Variants in IL1R1 observed in about 807,000 individuals in gnomAD.
The protein encoded by IL1R1 is interleukin-1 receptor type 1.
Under a neutral mutation model 50.2 loss-of-function variants are expected in IL1R1, and 22 were observed. The observed-to-expected ratio is 0.44, with a 90% confidence interval of 0.31 to 0.63. The LOEUF is 0.63. Ranked by LOEUF, IL1R1 falls within the 20% of genes least tolerant of loss-of-function variation. The pLI is 0.07. For synonymous variants in IL1R1, 251 were observed against 236.7 expected (o/e 1.06, Z -0.55); for missense variants, 509 against 676.2 (o/e 0.75, Z 2.74).
chr2:102,097,071 T>C (rs1403357734), intron 1 of IL1R1, among the ~76,000 whole-genome samples: 1 of 152,220 alleles, frequency 6.6e-6, no homozygotes, highest in Non-Finnish European at 1.5e-5. Context: ...CTCAGTGACT[T>C]AGCACAACAA....
chr2:102,146,344 A>G (rs993769783), intron 1 of IL1R1, among the ~76,000 whole-genome samples: 2 of 152,214 alleles, frequency 1.3e-5, no homozygotes, highest in Non-Finnish European at 2.9e-5. Context: ...GAAACGATAT[A>G]ATAAAACTTA....
At chr2:102,134,354 C>T (rs899814686) in intron 1 of IL1R1, among the ~76,000 whole-genome samples, 7 of 151,868 alleles carry the variant, frequency 4.6e-5, no homozygotes, top group African/African-American at 1.7e-4. Flanking sequence ...CTTCAGATAC[C>T]TGCATCACTA....
intron 1 of IL1R1, among the ~76,000 whole-genome samples, chr2:102,120,846 G>A (rs1374849001): frequency 2.0e-5 from 3 of 152,188 alleles, no homozygotes; most frequent in Non-Finnish European, 1.5e-5. Flanking sequence ...AGTACATGGT[G>A]TGCGCACAAT....
At chr2:102,151,623 A>G (rs2104492993) in intron 1 of IL1R1, among the ~76,000 whole-genome samples, 1 of 152,316 alleles carries the variant, frequency 6.6e-6, no homozygotes, top group South Asian at 2.1e-4. Context: ...ACCCAATGTT[A>G]CCAGAGCCAG....
chr2:102,094,020 A>C (rs2104319306), intron 1 of IL1R1, among the ~76,000 whole-genome samples: 1 of 152,342 alleles, frequency 6.6e-6, no homozygotes, highest in African/African-American at 2.4e-5. Flanking sequence ...AAAACAAAAC[A>C]AAACCAACCA....
chr2:102,072,222 T>C (rs952475793), intron 1 of IL1R1, among the ~76,000 whole-genome samples: 1 of 149,792 alleles, frequency 6.7e-6, no homozygotes, highest in Non-Finnish European at 1.5e-5. Context: ...ATTGTGCCAT[T>C]GCACTCCAGC....
intron 1 of IL1R1, among the ~76,000 whole-genome samples, chr2:102,151,025 C>T (rs1031747477): frequency 6.6e-6 from 1 of 152,156 alleles, no homozygotes; most frequent in Non-Finnish European, 1.5e-5. Flanking sequence ...CTGGTATTTT[C>T]TAAAGGTACG....
At chr2:102,105,042 A>ATGGCTC (rs1370072961) in intron 1 of IL1R1, among the ~76,000 whole-genome samples, 1 of 152,184 alleles carries the variant, frequency 6.6e-6, no homozygotes, top group Non-Finnish European at 1.5e-5. Context: ...TTGAAGTTAT[A>ATGGCTC]TGGCTCTGTA....
At chr2:102,075,127 A>G (rs772122914) in intron 1 of IL1R1, among the ~76,000 whole-genome samples, 14 of 152,216 alleles carry the variant, frequency 9.2e-5, no homozygotes, top group Non-Finnish European at 1.6e-4. Flanking sequence ...GTTATGTGAC[A>G]TCCATGGGAT....
intron 1 of IL1R1, among the ~76,000 whole-genome samples, chr2:102,081,328 T>G (rs1679197543): frequency 6.6e-6 from 1 of 152,170 alleles, no homozygotes; most frequent in Non-Finnish European, 1.5e-5. Flanking sequence ...TACAACCAGC[T>G]AAGGGAGCCT....
intron 1 of IL1R1, among the ~76,000 whole-genome samples, chr2:102,151,810 A>G (rs1160375258): frequency 6.6e-6 from 1 of 152,196 alleles, no homozygotes; most frequent in Non-Finnish European, 1.5e-5. Flanking sequence ...CTAGGATTGG[A>G]AGAATTGACT....
intron 1 of IL1R1, among the ~76,000 whole-genome samples, chr2:102,149,039 C>T (rs950297328): frequency 3.3e-5 from 5 of 152,136 alleles, no homozygotes; most frequent in Non-Finnish European, 2.9e-5. Context: ...ACACATTCCC[C>T]GTACATGTTT....
chr2:102,085,152 A>T (rs566578936), intron 1 of IL1R1, among the ~76,000 whole-genome samples: 100 of 152,334 alleles, frequency 6.6e-4, no homozygotes, highest in African/African-American at 2.2e-3. Context: ...AGCAGTATCT[A>T]TTCCAAATAC....
upstream of IL1R1, among the ~76,000 whole-genome samples, chr2:102,099,629 G>T (rs181102841): frequency 9.7e-4 from 148 of 152,236 alleles, 1 homozygote; most frequent in Non-Finnish European, 4.3e-4. Context: ...CATGACAAGA[G>T]CGTGTCTGAG....
chr2:102,118,974 C>T (rs1025045355), intron 1 of IL1R1, among the ~76,000 whole-genome samples: 6 of 145,064 alleles, frequency 4.1e-5, no homozygotes, highest in East Asian at 2.1e-4. Flanking sequence ...GCCGAGATCG[C>T]TCCACTGCTC....
chr2:102,148,713 T>TTG (rs1231276114), intron 1 of IL1R1, among the ~76,000 whole-genome samples: 1 of 152,248 alleles, frequency 6.6e-6, no homozygotes, highest in Non-Finnish European at 1.5e-5. Context: ...AAGCCAGGGC[T>TTG]TGTGTGAGTA....
chr2:102,109,968 A>C (rs965461475), intron 1 of IL1R1, among the ~76,000 whole-genome samples: 2 of 152,166 alleles, frequency 1.3e-5, no homozygotes, highest in African/African-American at 2.4e-5. Context: ...ATGGAATTTT[A>C]CTTTTTTTGG....
chr2:102,088,090 G>C (rs891159937), intron 1 of IL1R1, among the ~76,000 whole-genome samples: 1 of 152,118 alleles, frequency 6.6e-6, no homozygotes, highest in Non-Finnish European at 1.5e-5. Context: ...ACGAGGGTTG[G>C]AGTCAACTTC....
In IL1R1 at chr2:102,166,165, G is replaced by A. The variant is rs1685166361; in HGVS notation, c.539G>A (p.Arg180Lys). Residue 180 changes from arginine (R) to lysine (K), a missense_variant, in exon 6 of 12, where the codon AGG (arginine) becomes AAG (lysine). Arg to Lys is a conservative substitution (Grantham distance 26). Transcript: ENST00000410023. The part of the protein sequence containing the change: ...DNIHFSGVKD[R>K]LIVMNVAEKH... ...ATACACTTTAGTGGAGTCAAAGATA[G>A]GCTCATCGTGATGAATGTGGCTGAA... 5.0e-6 allele frequency: 8 copies of A among 1,613,684 alleles called. No individual in the cohort carries two copies. Among genetic ancestry groups the A allele is most frequent in the Non-Finnish European group, 6.8e-6 (8 of 1,179,826 alleles).
Sources: gnomAD v4.1 joint callset for allele counts (sites outside exome capture counted in the v4.1 genomes callset) on GRCh38, gnomAD v4.1.1 for gene constraint, MANE v1.5 for transcripts, NCBI Gene and HGNC (gene_info 2026-07-23, HGNC 2026-07-21) for gene names.